The following NT5DC4 variants were observed in gnomAD, a reference collection of about 807,000 sequenced individuals.
NT5DC4 encodes 5'-nucleotidase domain containing 4, also known as 5'-nucleotidase domain-containing protein 4.
NT5DC4 carries 44 observed loss-of-function variants against 26.6 expected under a neutral mutation model. The ratio of observed to expected loss-of-function variants is 1.65; its 90% confidence interval spans 1.30 to 2.13. The LOEUF is 2.13. Among genes scored for constraint, NT5DC4 ranks in the 30% most tolerant of loss-of-function variants. The probability of loss-of-function intolerance (pLI) is 0.00; values close to 1 mark genes in which losing one functional copy is unlikely to be tolerated. For synonymous variants in NT5DC4, 157 were observed against 86.7 expected (o/e 1.81, Z -4.51); for missense variants, 399 against 228.1 (o/e 1.75, Z -4.83).
intron 16 of NT5DC4, among the ~76,000 whole-genome samples, chr2:112,733,005 C>A (rs1678659437): frequency 6.6e-6 from 1 of 152,226 alleles, no homozygotes; most frequent in African/African-American, 2.4e-5. Context: ...CATCTACGTA[C>A]CTGTGTATTT....
chr2:112,742,833 A>T, downstream of NT5DC4: 2 of 1,081,098 alleles, frequency 1.8e-6, no homozygotes, highest in Non-Finnish European at 2.8e-6. Context: ...TTGCTAAGGA[A>T]CTTTAACTTC....
upstream of NT5DC4, among the ~76,000 whole-genome samples, chr2:112,719,942 CTT>C (rs1477492819): frequency 2.4e-4 from 23 of 96,522 alleles, no homozygotes; most frequent in African/African-American, 3.3e-4. Context: ...TTCTTTCTTT[CTT>C]TCTTTCTTTC....
Position 112,722,760 on chromosome 2 carries a change from C to T in NT5DC4, c.516C>T (p.Ser172=), listed in dbSNP as rs1388750712. ...ACLVDFFSGC[S]RYTNCDTGYQ... ...TGGTGGACTTCTTCTCTGGCTGCTCCCGTTACACTAAGTGCGTCTTGTGCC... is the reference window on the plus strand; with the variant it reads ...TGGTGGACTTCTTCTCTGGCTGCTCTCGTTACACTAAGTGCGTCTTGTGCC... The change falls in exon 6 of 17, where the codon TCC becomes TCT. Residue 172 remains serine, a synonymous_variant. Transcript: ENST00000688554. 3 of 717,508 alleles carry T rather than the reference C, an allele frequency of 4.2e-6. No individual in the cohort carries two copies. The highest frequency in any genetic ancestry group is 3.5e-5 in the African/African-American group (2 of 57,246). 44.4% of individuals were successfully genotyped at this position (717,508 alleles called of 1,614,324 possible). A position where few individuals can be genotyped will look rare whatever the true frequency, so the allele number is the denominator to read the frequency against.
At chr2:112,739,119 T>G, downstream of NT5DC4, 3 of 1,190,114 alleles carry the variant, frequency 2.5e-6, no homozygotes, top group Non-Finnish European at 3.6e-6. Context: ...TTTTTGTTTC[T>G]TATTCAATAA....
chr2:112,732,311 A>G (rs922083406), intron 16 of NT5DC4, among the ~76,000 whole-genome samples: 3 of 152,092 alleles, frequency 2.0e-5, no homozygotes, highest in African/African-American at 7.2e-5. Context: ...CAGGTCCCAG[A>G]GCCTGCAGGG....
downstream of NT5DC4, chr2:112,742,501 C>A (rs1680043420): frequency 1.4e-6 from 1 of 718,628 alleles, no homozygotes; most frequent in East Asian, 2.7e-5. Context: ...GTGGAAACAA[C>A]CTTTGTTCAG....
At chr2:112,740,496 T>G (rs114759838), downstream of NT5DC4, among the ~76,000 whole-genome samples, 1 of 152,330 alleles carries the variant, frequency 6.6e-6, no homozygotes, top group Non-Finnish European at 1.5e-5. Context: ...TAGAGGGGTA[T>G]TCACTGTCCC....
chr2:112,736,304 G>A (rs2104816231), intron 16 of NT5DC4, among the ~76,000 whole-genome samples: 1 of 152,278 alleles, frequency 6.6e-6, no homozygotes, highest in African/African-American at 2.4e-5. Context: ...GCAGCCCTCT[G>A]AGCATTACTT....
At chr2:112,726,431 A>G (rs1286295075) in intron 14 of NT5DC4, 142 bp downstream of exon 14, 20 of 671,836 alleles carry the variant, frequency 3.0e-5, no homozygotes, top group Non-Finnish European at 5.2e-5. Context: ...TTCCCTAGCA[A>G]ACTGAATGTG....
chr2:112,723,817 G>A lies in NT5DC4; in HGVS notation c.756+15G>A. ...ACTACACCAATGTGAGTATGTGTAT[G>A]GAGGGGTGGACCGTCGGCCTCCTTC... On this transcript the variant is annotated intron_variant, in intron 9 of 16. Transcript: ENST00000688554. 1 of 717,104 alleles carries A rather than the reference G, an allele frequency of 1.4e-6. No homozygotes were observed. The highest frequency in any genetic ancestry group is 2.6e-6 in the Non-Finnish European group (1 of 384,994). 44.4% of individuals were successfully genotyped at this position (717,104 alleles called of 1,614,324 possible).
chr2:112,733,878 A>T (rs529934735), intron 16 of NT5DC4, among the ~76,000 whole-genome samples: 1 of 152,320 alleles, frequency 6.6e-6, no homozygotes, highest in African/African-American at 2.4e-5. Flanking sequence ...TTTGGCTGTC[A>T]CAGTGATTCC....
At position 112,727,022 on chromosome 2, in the gene NT5DC4, G is replaced by A. The variant is rs188718542; in HGVS notation, c.1266+284G>A. On this transcript the variant is annotated intron_variant, in intron 15 of 16. Transcript: ENST00000688554. ...ATCACCCTGCCCGGGAAGTGCCTGC[G>A]TGCTAGCTGGGCCCTTATTGACTGA... The A allele has an allele frequency of 4.6e-4, 230 of 503,850 alleles. 1 individual carries two copies. Among genetic ancestry groups the A allele is most frequent in the African/African-American group, 3.9e-3 (205 of 52,144 alleles). 31.2% of individuals were successfully genotyped at this position (503,850 alleles called of 1,614,324 possible). A position where few individuals can be genotyped will look rare whatever the true frequency, so the allele number is the denominator to read the frequency against.
At chr2:112,742,309 TGA>T, downstream of NT5DC4, 1 of 704,608 alleles carries the variant, frequency 1.4e-6, no homozygotes, top group Non-Finnish European at 2.6e-6. Context: ...AAGAGATTCC[TGA>T]GATAGCTATT....
At position 112,738,946 on chromosome 2, in the gene NT5DC4, C is replaced by G; in HGVS notation, c.*10C>G. Reference sequence around the variant, plus strand: ...GAGAAGCCACTACTAAATCGTGTTCCTGCAGCATTTCTGGGTAGCGGGACA... The same window carrying G: ...GAGAAGCCACTACTAAATCGTGTTCGTGCAGCATTTCTGGGTAGCGGGACA... On this transcript the variant is annotated 3_prime_UTR_variant, in exon 17 of 17. Coordinates refer to ENST00000688554, the MANE Select transcript of NT5DC4 (RefSeq NM_001393655.1). The G allele has an allele frequency of 1.2e-6, 2 of 1,614,180 alleles. No individual in the cohort carries two copies. The highest frequency in any genetic ancestry group is 1.7e-6 in the Non-Finnish European group (2 of 1,180,028).
upstream of NT5DC4, among the ~76,000 whole-genome samples, chr2:112,719,944 TTCTTTC>T (rs1676710964): frequency 6.4e-5 from 7 of 109,142 alleles, no homozygotes; most frequent in East Asian, 1.2e-3. Flanking sequence ...CTTTCTTTCT[TTCTTTC>T]TTTCTTTCTT....
chr2:112,724,062 T>C, intron 9 of NT5DC4, 32 bp from the exon 10 acceptor site: 1 of 716,988 alleles, frequency 1.4e-6, no homozygotes, highest in Non-Finnish European at 2.6e-6. Flanking sequence ...TGGCCCAAGC[T>C]TGGTGCCCTG....
At chr2:112,719,992 C>CTTTCTTTCTTTCTTTCTTTCT (rs1558715793), upstream of NT5DC4, among the ~76,000 whole-genome samples, 5 of 60,360 alleles carry the variant, frequency 8.3e-5, no homozygotes, top group African/African-American at 3.3e-4. Context: ...CTTTCTTTTT[C>CTTTCTTTCTTTCTTTCTTTCT]TTTTCTTTTC....
At chr2:112,735,720 A>G (rs1247512201) in intron 16 of NT5DC4, among the ~76,000 whole-genome samples, 1 of 151,904 alleles carries the variant, frequency 6.6e-6, no homozygotes, top group Non-Finnish European at 1.5e-5. Flanking sequence ...AGTATCTACA[A>G]AGAGTCCCAG....
chr2:112,741,729 T>C (rs1679979887), downstream of NT5DC4, among the ~76,000 whole-genome samples: 4 of 152,210 alleles, frequency 2.6e-5, no homozygotes, highest in Admixed American at 2.6e-4. Context: ...AGTGGGTTAC[T>C]TAGCTACATG....
Sources: gnomAD v4.1 joint callset for allele counts (sites outside exome capture counted in the v4.1 genomes callset) on GRCh38, gnomAD v4.1.1 for gene constraint, MANE v1.5 for transcripts, NCBI Gene and HGNC (gene_info 2026-07-23, HGNC 2026-07-21) for gene names.